The following FGFR1 variants were observed in gnomAD, a reference collection of about 807,000 sequenced individuals.
The protein encoded by FGFR1 is fibroblast growth factor receptor 1.
Under a neutral mutation model 93.7 loss-of-function variants are expected in FGFR1, and 18 were observed. That is an observed-to-expected ratio of 0.19 (90% CI 0.13 to 0.28). The LOEUF is 0.28. FGFR1 is among the 10% of genes least tolerant of loss of function. The pLI, the probability that FGFR1 is intolerant of heterozygous loss-of-function variation, is 1.00. For synonymous variants in FGFR1, 448 were observed against 429.3 expected (o/e 1.04, Z -0.54); for missense variants, 731 against 1,080.4 (o/e 0.68, Z 4.53).
chr8:38,419,428 G>C (rs771663571), intron 9 of FGFR1, 105 bp downstream of exon 9: 4 of 1,123,804 alleles, frequency 3.6e-6, no homozygotes, highest in Admixed American at 3.6e-5. Context: ...CCAGAAGCCA[G>C]AAAATAAGGC....
chr8:38,425,678 C>CAAGGT (rs1462516979), intron 6 of FGFR1, among the ~76,000 whole-genome samples: 1 of 152,198 alleles, frequency 6.6e-6, no homozygotes, highest in African/African-American at 2.4e-5. Flanking sequence ...TCTGCATTAG[C>CAAGGT]AAGGTGTCTG....
In FGFR1 at chr8:38,424,155, C is replaced by T. The variant is rs1819856503; in HGVS notation, c.936+354G>A. On this transcript the variant is annotated intron_variant, in intron 7 of 17. Coordinates refer to ENST00000447712, the MANE Select transcript of FGFR1 (RefSeq NM_023110.3). The surrounding 1 kb of genome is among the most constrained non-coding windows in gnomAD (Gnocchi z 4.3). ...CGTAACTCAGGACACAGGGCTAAGA[C>T]TGGGAAACGCTTGGTGGAAAGGCTC... The T allele has an allele frequency of 4.7e-6, 2 of 430,018 alleles. No homozygotes were observed. The highest frequency in any genetic ancestry group is 8.9e-6 in the Non-Finnish European group (2 of 223,586). The allele number at this position is 430,018 out of a possible 1,614,324, so 26.6% of individuals were successfully genotyped here. A position where few individuals can be genotyped will look rare whatever the true frequency, so the allele number is the denominator to read the frequency against.
chr8:38,414,618 A>G lies in FGFR1; in HGVS notation c.1989T>C (p.Pro663=), dbSNP rs2150552193. The change falls in exon 15 of 18, where the codon CCT becomes CCC. Residue 663 remains proline, a synonymous_variant. Transcript: ENST00000447712. ...YYKKTTNGRL[P]VKWMAPEALF... is the part of the protein sequence containing the mutation. ...ATGCCTCGGGTGCCATCCACTTCAC[A>G]GGCAGTCGGCCCTGAAAGCAGCACA... 6.2e-7 allele frequency: 1 copy of G among 1,613,706 alleles called. No individual in the cohort carries two copies. The highest frequency in any genetic ancestry group is 1.1e-5 in the South Asian group (1 of 91,068).
chr8:38,412,518 A>G lies in FGFR1; in HGVS notation c.*1110T>C, dbSNP rs954695871. 1.3e-5 allele frequency: 3 copies of G among 232,840 alleles called. No individual in the cohort carries two copies. The highest frequency in any genetic ancestry group is 2.5e-5 in the Non-Finnish European group (3 of 117,780). The allele number at this position is 232,840 out of a possible 1,614,324, so 14.4% of individuals were successfully genotyped here. A position where few individuals can be genotyped will look rare whatever the true frequency, so the allele number is the denominator to read the frequency against. On this transcript the variant is annotated 3_prime_UTR_variant, in exon 18 of 18. Coordinates refer to ENST00000447712, the MANE Select transcript of FGFR1 (RefSeq NM_023110.3). Reference sequence around the variant, plus strand: ...TGCATGGATGGGGTTCCTGCCCTCGAAGCAGACATCTTCTTTTTCTGACTT... The same window carrying G: ...TGCATGGATGGGGTTCCTGCCCTCGGAGCAGACATCTTCTTTTTCTGACTT...
At position 38,412,627 on chromosome 8, in the gene FGFR1, C is replaced by T. The variant is rs181986208; in HGVS notation, c.*1001G>A. On this transcript the variant is annotated 3_prime_UTR_variant, in exon 18 of 18. Transcript: ENST00000447712. ...AGAAGAGGTTACAAGGAACCTGCGC[C>T]GGGAGCATGCGGTGCCCTCGGGACA... 3.9e-5 allele frequency: 9 copies of T among 233,638 alleles called. No individual in the cohort carries two copies. The highest frequency in any genetic ancestry group is 2.4e-4 in the East Asian group (4 of 16,580). The allele number at this position is 233,638 out of a possible 1,614,324, so 14.5% of individuals were successfully genotyped here. A position where few individuals can be genotyped will look rare whatever the true frequency, so the allele number is the denominator to read the frequency against.
intron 13 of FGFR1, 63 bp downstream of exon 13, chr8:38,415,806 TG>T (rs1395193101): frequency 1.3e-6 from 2 of 1,511,914 alleles, no homozygotes; most frequent in Admixed American, 3.4e-5. Flanking sequence ...AGTCACAGGC[TG>T]GAAGACTAGG....
chr8:38,421,313 CCTT>C (rs1818684475), intron 8 of FGFR1, among the ~76,000 whole-genome samples: 1 of 152,194 alleles, frequency 6.6e-6, no homozygotes, highest in African/African-American at 2.4e-5. Context: ...AGGCTGACCT[CCTT>C]CTTCAAAGGC....
intron 15 of FGFR1, 105 bp from the exon 16 acceptor site, chr8:38,414,394 G>A (rs1815539893): frequency 6.3e-7 from 1 of 1,580,232 alleles, no homozygotes. Flanking sequence ...ATGGAGAACA[G>A]ATCAGCCTTT....
At chr8:38,444,051 CAAAAAAA>C (rs746296068) in intron 2 of FGFR1, among the ~76,000 whole-genome samples, 21,861 of 74,776 alleles carry the variant, frequency 0.29, 1,670 homozygotes, top group Admixed American at 0.34. Flanking sequence ...GAAACTGTCT[CAAAAAAA>C]AAAAAAAAAA....
intron 2 of FGFR1, among the ~76,000 whole-genome samples, chr8:38,452,381 G>T (rs985008209): frequency 3.3e-5 from 5 of 151,968 alleles, no homozygotes; most frequent in African/African-American, 9.7e-5. Flanking sequence ...TAAAGACAGG[G>T]TCTCCTTCTG....
intron 13 of FGFR1, among the ~76,000 whole-genome samples, chr8:38,415,667 C>T (rs919339069): frequency 1.2e-4 from 18 of 152,140 alleles, no homozygotes; most frequent in Non-Finnish European, 1.3e-4. Flanking sequence ...GACCCTGCAT[C>T]AGTCTGACCC....
chr8:38,417,647 T>C, intron 11 of FGFR1: 1 of 739,122 alleles, frequency 1.4e-6, no homozygotes, highest in Non-Finnish European at 2.3e-6. Context: ...GGATCCAGGA[T>C]AAACACCTGA....
At chr8:38,421,749 T>C (rs1297645605) in intron 8 of FGFR1, 48 bp downstream of exon 8, 2 of 1,601,928 alleles carry the variant, frequency 1.2e-6, no homozygotes, top group Admixed American at 1.7e-5. Context: ...GCTCCCCCCG[T>C]GCCCGTGGCG....
At chr8:38,420,676 T>G (rs1586216724) in intron 8 of FGFR1, among the ~76,000 whole-genome samples, 1 of 151,810 alleles carries the variant, frequency 6.6e-6, no homozygotes, top group African/African-American at 2.4e-5. Flanking sequence ...GCCCCACGGG[T>G]GTGGACGGCC....
chr8:38,421,097 C>T (rs986535246), intron 8 of FGFR1, among the ~76,000 whole-genome samples: 11 of 152,162 alleles, frequency 7.2e-5, no homozygotes, highest in Non-Finnish European at 8.8e-5. Context: ...CAGGACATTC[C>T]GAGAGACAGC....
chr8:38,414,407 A>G (rs1029400008), intron 15 of FGFR1, 118 bp from the exon 16 acceptor site: 51 of 1,562,170 alleles, frequency 3.3e-5, no homozygotes, highest in Admixed American at 9.0e-5. Context: ...CAGCCTTTCA[A>G]CATCTGGAGC....
At chr8:38,460,284 C>A (rs985205293) in intron 1 of FGFR1, among the ~76,000 whole-genome samples, 4 of 152,180 alleles carry the variant, frequency 2.6e-5, no homozygotes, top group Non-Finnish European at 5.9e-5. Flanking sequence ...AGAAGCAGTG[C>A]TTGCCAGAGG....
intron 2 of FGFR1, among the ~76,000 whole-genome samples, chr8:38,444,882 T>C (rs1828811661): frequency 6.6e-6 from 1 of 152,166 alleles, no homozygotes; most frequent in South Asian, 2.1e-4. Flanking sequence ...GAGGTCCTTG[T>C]AAAACCATTT....
chr8:38,428,125 G>C (rs746086125), intron 4 of FGFR1, 32 bp from the exon 5 acceptor site: 3 of 1,613,302 alleles, frequency 1.9e-6, no homozygotes, highest in Non-Finnish European at 2.5e-6. Context: ...AGACAGGCAG[G>C]GTGGAGAGGA....
Sources: gnomAD v4.1 joint callset for allele counts (sites outside exome capture counted in the v4.1 genomes callset) on GRCh38, gnomAD v4.1.1 for gene constraint, Gnocchi (gnomAD v3.1) non-coding constraint, MANE v1.5 for transcripts, NCBI Gene and HGNC (gene_info 2026-07-23, HGNC 2026-07-21) for gene names.